The following FBXL17 variants were observed in gnomAD, a reference collection of about 807,000 sequenced individuals.
FBXL17 encodes the protein F-box/LRR-repeat protein 17.
A neutral mutation model predicts 66.2 loss-of-function variants in FBXL17; 22 were observed. The ratio of observed to expected loss-of-function variants is 0.33; its 90% CI spans 0.24 to 0.47. FBXL17 has a LOEUF of 0.47. Among genes scored for constraint, FBXL17 ranks in the 20% least tolerant of loss-of-function variants. The probability of loss-of-function intolerance (pLI) is 1.00; values close to 1 mark genes in which losing one functional copy is unlikely to be tolerated. For synonymous variants in FBXL17, 474 were observed against 400.5 expected (o/e 1.18, Z -2.19); for missense variants, 878 against 948.2 (o/e 0.93, Z 0.97).
chr5:108,332,665 C>T (rs1201949149), intron 4 of FBXL17, among the ~76,000 whole-genome samples: 1 of 151,946 alleles, frequency 6.6e-6, no homozygotes, highest in African/African-American at 2.4e-5. Context: ...TGGAGTGCAG[C>T]GGCTTGATCT....
At chr5:108,081,323 T>A (rs1201653255) in intron 6 of FBXL17, among the ~76,000 whole-genome samples, 1 of 152,168 alleles carries the variant, frequency 6.6e-6, no homozygotes, top group African/African-American at 2.4e-5. Context: ...ATCGATTCAG[T>A]TGGTTGGGGA....
chr5:108,192,707 G>A (rs539397091), intron 5 of FBXL17, among the ~76,000 whole-genome samples: 1 of 152,116 alleles, frequency 6.6e-6, no homozygotes. Context: ...CAGGTGAATC[G>A]CTTGAACCCA....
chr5:107,989,475 T>C (rs1753147980), intron 7 of FBXL17, among the ~76,000 whole-genome samples: 1 of 152,196 alleles, frequency 6.6e-6, no homozygotes, highest in African/African-American at 2.4e-5. Context: ...TAGGATTTCA[T>C]TCTTTTTTAT....
intron 6 of FBXL17, among the ~76,000 whole-genome samples, chr5:108,135,657 C>T (rs2149980822): frequency 6.6e-6 from 1 of 152,112 alleles, no homozygotes; most frequent in Non-Finnish European, 1.5e-5. Flanking sequence ...AGAGAAAAGG[C>T]AGGGGAAAAA....
chr5:108,215,783 G>A (rs1275863607), intron 5 of FBXL17, among the ~76,000 whole-genome samples: 1 of 151,978 alleles, frequency 6.6e-6, no homozygotes, highest in Non-Finnish European at 1.5e-5. Context: ...TGAATTCAAG[G>A]TCATGAAGAT....
At chr5:108,378,487 T>C (rs1438109013) in intron 1 of FBXL17, among the ~76,000 whole-genome samples, 1 of 137,138 alleles carries the variant, frequency 7.3e-6, no homozygotes, top group African/African-American at 2.9e-5. Flanking sequence ...GATGATAGAC[T>C]TGTGCCTCTC....
intron 6 of FBXL17, among the ~76,000 whole-genome samples, chr5:108,060,243 C>A (rs997354420): frequency 6.6e-6 from 1 of 151,842 alleles, no homozygotes; most frequent in Admixed American, 6.6e-5. Flanking sequence ...TTCTGCTTCA[C>A]ACTATTTTTC....
At chr5:108,354,997 C>T (rs908375812) in intron 3 of FBXL17, among the ~76,000 whole-genome samples, 63 of 151,972 alleles carry the variant, frequency 4.1e-4, no homozygotes, top group African/African-American at 1.4e-3. Context: ...TGCCACTAGA[C>T]CTGCCTTGCA....
chr5:108,157,479 T>C lies in FBXL17; in HGVS notation c.1745+28638A>G, dbSNP rs917128280. ...GGGAAAATATAGGAAAACTCACAAA[T>C]AAAACTTTTTTATTTCAAAAGATCA... On this transcript the variant is annotated intron_variant, in intron 6 of 8. Transcript: ENST00000542267. Among the ~76,000 whole-genome samples, 19 of 151,726 alleles carry C rather than the reference T, an allele frequency of 1.3e-4. 1 individual carries two copies. Among genetic ancestry groups the C allele is most frequent in the Admixed American group, 9.2e-4 (14 of 15,250 alleles).
intron 7 of FBXL17, among the ~76,000 whole-genome samples, chr5:107,937,499 AT>A (rs1750951803): frequency 6.6e-6 from 1 of 152,180 alleles, no homozygotes; most frequent in Non-Finnish European, 1.5e-5. Context: ...ACAGGCCATG[AT>A]TACGGATCTT....
chr5:107,884,470 G>C (rs1748894222), intron 7 of FBXL17, among the ~76,000 whole-genome samples: 1 of 152,216 alleles, frequency 6.6e-6, no homozygotes, highest in Non-Finnish European at 1.5e-5. Flanking sequence ...GGTGGGAGTA[G>C]AGCCCTGCAT....
chr5:108,063,440 G>A (rs1475395685), intron 6 of FBXL17, among the ~76,000 whole-genome samples: 1 of 152,110 alleles, frequency 6.6e-6, no homozygotes, highest in Non-Finnish European at 1.5e-5. Context: ...AGATCATAAC[G>A]ATCCAGTAAC....
At chr5:108,294,538 T>A (rs879812338) in intron 4 of FBXL17, among the ~76,000 whole-genome samples, 3 of 151,948 alleles carry the variant, frequency 2.0e-5, no homozygotes, top group Admixed American at 6.6e-5. Context: ...GAAGTTTATA[T>A]CCCAACAGAG....
chr5:108,217,577 C>T (rs1007452657), intron 5 of FBXL17, among the ~76,000 whole-genome samples: 1 of 151,856 alleles, frequency 6.6e-6, no homozygotes, highest in South Asian at 2.1e-4. Flanking sequence ...TATTTGTGGT[C>T]GACCACTTAA....
intron 6 of FBXL17, among the ~76,000 whole-genome samples, chr5:108,130,088 CCTTT>C (rs1434117978): frequency 2.0e-5 from 3 of 151,482 alleles, no homozygotes; most frequent in Non-Finnish European, 4.4e-5. Flanking sequence ...TTTAATGTTT[CCTTT>C]AAGACTTTGT....
At chr5:108,013,466 C>T (rs1188637114) in intron 7 of FBXL17, among the ~76,000 whole-genome samples, 2 of 152,166 alleles carry the variant, frequency 1.3e-5, no homozygotes, top group African/African-American at 2.4e-5. Flanking sequence ...GGTTGTTCTA[C>T]CTCAAATGCC....
intron 6 of FBXL17, among the ~76,000 whole-genome samples, chr5:108,144,657 A>G (rs1751488647): frequency 6.6e-6 from 1 of 152,162 alleles, no homozygotes; most frequent in Admixed American, 6.5e-5. Flanking sequence ...ATTTTAAACT[A>G]TTTCATAAAC....
chr5:108,346,038 C>T (rs115451938), intron 4 of FBXL17, among the ~76,000 whole-genome samples: 6 of 152,162 alleles, frequency 3.9e-5, no homozygotes, highest in East Asian at 1.9e-4. Flanking sequence ...GTATTAGTTG[C>T]TAACTTAAAA....
At chr5:108,260,672 G>A (rs1480291525) in intron 4 of FBXL17, among the ~76,000 whole-genome samples, 3 of 152,092 alleles carry the variant, frequency 2.0e-5, no homozygotes, top group Non-Finnish European at 4.4e-5. Context: ...TGGAATTGCT[G>A]CCACTGTCTT....
Sources: allele counts gnomAD v4.1 joint callset (sites outside exome capture counted in the v4.1 genomes callset), GRCh38; gene constraint gnomAD v4.1.1; transcripts MANE v1.5; gene names NCBI Gene and HGNC (gene_info 2026-07-23, HGNC 2026-07-21).